The following PXDNL variants were observed in gnomAD, a reference collection of about 807,000 sequenced individuals.
The protein encoded by PXDNL is probable oxidoreductase PXDNL.
PXDNL carries 145 observed loss-of-function variants against 150.8 expected under a neutral mutation model. That is an observed-to-expected ratio of 0.96 (90% CI 0.84 to 1.10). PXDNL has a LOEUF of 1.10. Ranked by LOEUF, PXDNL falls within the 50% of genes least tolerant of loss-of-function variation. PXDNL has a pLI of 0.00. For synonymous variants in PXDNL, 757 were observed against 725.7 expected, an observed-to-expected ratio of 1.04 and a Z score of -0.69; for missense variants, 2,087 against 1,873.9, an observed-to-expected ratio of 1.11 and a Z score of -2.10.
chr8:51,674,321 C>T (rs770570261), intron 1 of PXDNL, among the ~76,000 whole-genome samples: 41 of 152,184 alleles, frequency 2.7e-4, no homozygotes, highest in Non-Finnish European at 5.1e-4. Flanking sequence ...AGCTGAATAG[C>T]CCTGGGAGCT....
chr8:51,433,231 A>C (rs1470640343), intron 12 of PXDNL, among the ~76,000 whole-genome samples: 3 of 148,962 alleles, frequency 2.0e-5, no homozygotes, highest in African/African-American at 7.3e-5. Flanking sequence ...TAATAATAAT[A>C]ATAATAATAA....
At chr8:51,565,453 G>A (rs573663668) in intron 3 of PXDNL, among the ~76,000 whole-genome samples, 1 of 151,896 alleles carries the variant, frequency 6.6e-6, no homozygotes, top group Admixed American at 6.6e-5. Context: ...AGCTGATGCA[G>A]GTATCTGGTG....
At chr8:51,638,060 GA>G (rs1372470086) in intron 2 of PXDNL, among the ~76,000 whole-genome samples, 8 of 152,140 alleles carry the variant, frequency 5.3e-5, no homozygotes, top group Non-Finnish European at 7.3e-5. Flanking sequence ...CATTCTTAAA[GA>G]AAAGAATTTT....
chr8:51,359,003 C>T (rs1303063949), intron 19 of PXDNL, among the ~76,000 whole-genome samples: 1 of 152,146 alleles, frequency 6.6e-6, no homozygotes, highest in Non-Finnish European at 1.5e-5. Context: ...CAGTGTGTCT[C>T]CACTTCTCAG....
At chr8:51,629,127 C>T (rs867634073) in intron 2 of PXDNL, among the ~76,000 whole-genome samples, 10 of 151,492 alleles carry the variant, frequency 6.6e-5, no homozygotes, top group South Asian at 2.1e-4. Flanking sequence ...AAAGAAACCA[C>T]GGCAAAGAGA....
chr8:51,665,924 T>C (rs752282320), intron 1 of PXDNL, among the ~76,000 whole-genome samples: 1 of 152,246 alleles, frequency 6.6e-6, no homozygotes, highest in Non-Finnish European at 1.5e-5. Context: ...AACTGTCAAC[T>C]ATGCGATGTT....
At chr8:51,533,038 C>T (rs1226214946) in intron 4 of PXDNL, among the ~76,000 whole-genome samples, 3 of 152,186 alleles carry the variant, frequency 2.0e-5, no homozygotes, top group Non-Finnish European at 2.9e-5. Context: ...GCAGCAACTC[C>T]AGAAGCTGAT....
intron 1 of PXDNL, among the ~76,000 whole-genome samples, chr8:51,774,440 A>C (rs2037330054): frequency 6.6e-6 from 1 of 152,208 alleles, no homozygotes; most frequent in African/African-American, 2.4e-5. Context: ...GAAGATTAAA[A>C]TATTAACAAC....
chr8:51,582,577 C>T (rs1813231750), intron 3 of PXDNL, among the ~76,000 whole-genome samples: 1 of 152,006 alleles, frequency 6.6e-6, no homozygotes, highest in South Asian at 2.1e-4. Flanking sequence ...ATAAGAAATC[C>T]TACATTACCT....
chr8:51,774,159 C>A (rs1468061836), intron 1 of PXDNL, among the ~76,000 whole-genome samples: 3 of 152,136 alleles, frequency 2.0e-5, no homozygotes, highest in Non-Finnish European at 4.4e-5. Flanking sequence ...CAACAGAATT[C>A]TTTCATTTTA....
At chr8:51,756,248 G>A (rs1023903316) in intron 1 of PXDNL, among the ~76,000 whole-genome samples, 12 of 152,026 alleles carry the variant, frequency 7.9e-5, no homozygotes, top group Non-Finnish European at 1.5e-4. Context: ...ACAAATATTA[G>A]CTGGGCAAGG....
At chr8:51,377,301 C>T (rs1157528477) in intron 17 of PXDNL, among the ~76,000 whole-genome samples, 1 of 152,012 alleles carries the variant, frequency 6.6e-6, no homozygotes, top group African/African-American at 2.4e-5. Context: ...CTCACTTTCT[C>T]GCCCATGCTG....
chr8:51,622,423 A>T (rs1172534376), intron 2 of PXDNL, among the ~76,000 whole-genome samples: 1 of 152,220 alleles, frequency 6.6e-6, no homozygotes, highest in Non-Finnish European at 1.5e-5. Context: ...GCCATTGAAA[A>T]TTAGTACAGA....
intron 1 of PXDNL, among the ~76,000 whole-genome samples, chr8:51,767,235 T>G (rs1301408312): frequency 2.0e-5 from 3 of 152,014 alleles, no homozygotes; most frequent in African/African-American, 7.3e-5. Context: ...TTCCTATATA[T>G]GTTCCTCTTT....
At chr8:51,450,850 CTAA>C (rs1259125620) in intron 10 of PXDNL, among the ~76,000 whole-genome samples, 1 of 152,224 alleles carries the variant, frequency 6.6e-6, no homozygotes, top group African/African-American at 2.4e-5. Flanking sequence ...TCGGTCAGAA[CTAA>C]TAAGTAGAAA....
At chr8:51,709,594 C>A (rs1816453912) in intron 1 of PXDNL, among the ~76,000 whole-genome samples, 1 of 152,054 alleles carries the variant, frequency 6.6e-6, no homozygotes, top group South Asian at 2.1e-4. Context: ...AGAAACTGAC[C>A]AGACAAGAGC....
At position 51,320,885 on chromosome 8, in the gene PXDNL, C is replaced by T; in HGVS notation, c.4159G>A (p.Glu1387Lys). The T allele has an allele frequency of 6.2e-7, 1 of 1,613,326 alleles. No homozygotes were observed. Among genetic ancestry groups the T allele is most frequent in the Non-Finnish European group, 8.5e-7 (1 of 1,179,478 alleles). Residue 1387 changes from glutamate to lysine, a missense_variant, in exon 22 of 23, where the codon GAG becomes AAG. Physicochemically the swap from Glu to Lys is moderately conservative, Grantham distance 56. Transcript: ENST00000356297. ...CACCCTGCCTGCCTCAGGCGTGCCT[C>T]CAGCTTGTTTATCTGAAAGGGGAGG... Reference protein sequence around the residue: ...TALREQINKLEARLRQAGCTD... With the variant: ...TALREQINKLKARLRQAGCTD...
intron 17 of PXDNL, among the ~76,000 whole-genome samples, chr8:51,378,521 G>T (rs3115786): frequency 6.6e-6 from 1 of 152,116 alleles, no homozygotes; most frequent in Admixed American, 6.5e-5. Flanking sequence ...AGAAAAGGGT[G>T]AAAAAGCAGG....
intron 17 of PXDNL, among the ~76,000 whole-genome samples, chr8:51,403,852 A>T (rs764604576): frequency 1.4e-4 from 21 of 152,196 alleles, no homozygotes; most frequent in Non-Finnish European, 2.8e-4. Context: ...ACTGACTTCA[A>T]GAATGAACTT....
Sources: allele counts gnomAD v4.1 joint callset (sites outside exome capture counted in the v4.1 genomes callset), GRCh38; gene constraint gnomAD v4.1.1; transcripts MANE v1.5; gene names NCBI Gene and HGNC (gene_info 2026-07-23, HGNC 2026-07-21).